GPC5: variants seen among roughly 807,000 people sequenced by gnomAD.
GPC5 encodes the protein glypican-5.
In GPC5, 47 loss-of-function variants were observed where a neutral mutation model predicts 53.9. That is an observed-to-expected ratio of 0.87 (90% CI 0.69 to 1.11). The LOEUF is 1.11. Ranked by LOEUF, GPC5 falls within the 50% of genes most tolerant of loss-of-function variation. The pLI, the probability that GPC5 is intolerant of heterozygous loss-of-function variation, is 0.00. For missense variants in GPC5, 748 were observed against 713.1 expected, an observed-to-expected ratio of 1.05 and a Z score of -0.56; for synonymous variants, 286 against 263.3, an observed-to-expected ratio of 1.09 and a Z score of -0.84.
At chr13:92,541,038 T>C (rs1478400088) in intron 7 of GPC5, among the ~76,000 whole-genome samples, 1 of 151,804 alleles carries the variant, frequency 6.6e-6, no homozygotes, top group Non-Finnish European at 1.5e-5. Flanking sequence ...TTCAAGTAAA[T>C]AAGGACATAT....
chr13:92,074,601 A>C (rs916682376), intron 6 of GPC5, among the ~76,000 whole-genome samples: 16 of 152,198 alleles, frequency 1.1e-4, no homozygotes, highest in African/African-American at 3.6e-4. Flanking sequence ...AGAAGTATGT[A>C]ATTCATTGGT....
chr13:91,503,920 C>T (rs947651839), intron 2 of GPC5, among the ~76,000 whole-genome samples: 3 of 151,110 alleles, frequency 2.0e-5, no homozygotes, highest in African/African-American at 4.9e-5. Context: ...ACTAATTCTT[C>T]AGTAATATTG....
chr13:92,329,808 G>A (rs920630622), intron 7 of GPC5, among the ~76,000 whole-genome samples: 10 of 152,060 alleles, frequency 6.6e-5, no homozygotes, highest in Non-Finnish European at 1.2e-4. Context: ...GGACAGCCAC[G>A]GTTTTCTGGC....
chr13:92,002,979 C>T (rs1303474001), intron 6 of GPC5, among the ~76,000 whole-genome samples: 5 of 151,970 alleles, frequency 3.3e-5, no homozygotes, highest in Non-Finnish European at 7.4e-5. Flanking sequence ...GTAGGAAACC[C>T]TGAGGTACTT....
chr13:92,079,427 A>G (rs1480438792), intron 6 of GPC5, among the ~76,000 whole-genome samples: 1 of 152,188 alleles, frequency 6.6e-6, no homozygotes, highest in Non-Finnish European at 1.5e-5. Context: ...TACTTCCATC[A>G]TGTCACTTAA....
chr13:92,713,167 G>A (rs1888199076), intron 7 of GPC5, among the ~76,000 whole-genome samples: 1 of 152,110 alleles, frequency 6.6e-6, no homozygotes, highest in African/African-American at 2.4e-5. Flanking sequence ...GTTATCCACA[G>A]ACCAAGGAGT....
intron 7 of GPC5, among the ~76,000 whole-genome samples, chr13:92,564,239 G>A (rs1354630899): frequency 1.3e-5 from 2 of 151,860 alleles, no homozygotes; most frequent in Non-Finnish European, 2.9e-5. Context: ...AGGTAAATGG[G>A]ACCCAAAGCA....
intron 7 of GPC5, among the ~76,000 whole-genome samples, chr13:92,742,558 T>G (rs1479564441): frequency 1.3e-5 from 2 of 148,670 alleles, no homozygotes; most frequent in Non-Finnish European, 3.0e-5. Flanking sequence ...GGTAGTTTCT[T>G]TTGCTGTGCA....
intron 7 of GPC5, among the ~76,000 whole-genome samples, chr13:92,560,897 G>GTGTGTGTGTA (rs1594305468): frequency 2.0e-5 from 3 of 149,572 alleles, no homozygotes; most frequent in Admixed American, 6.7e-5. Flanking sequence ...GTGTGTGTGT[G>GTGTGTGTGTA]TATACATATA....
chr13:91,939,227 A>AT (rs2039901759), intron 6 of GPC5, among the ~76,000 whole-genome samples: 1 of 152,238 alleles, frequency 6.6e-6, no homozygotes, highest in Admixed American at 6.5e-5. Context: ...TTGATATGGG[A>AT]TTTTATCTAC....
intron 2 of GPC5, among the ~76,000 whole-genome samples, chr13:91,641,444 A>T (rs1021308805): frequency 4.6e-5 from 7 of 151,698 alleles, no homozygotes; most frequent in African/African-American, 1.7e-4. Context: ...GGAACAACAC[A>T]CACTGGGGCC....
intron 6 of GPC5, among the ~76,000 whole-genome samples, chr13:92,052,475 T>G (rs781723967): frequency 1.3e-5 from 2 of 152,184 alleles, no homozygotes; most frequent in Non-Finnish European, 2.9e-5. Context: ...CCAGCTTTTA[T>G]TTCCTTATTT....
intron 5 of GPC5, among the ~76,000 whole-genome samples, chr13:91,790,405 A>G (rs1053174025): frequency 6.6e-6 from 1 of 152,202 alleles, no homozygotes; most frequent in African/African-American, 2.4e-5. Context: ...TCATGCATTT[A>G]CTACTCATTA....
At chr13:92,083,152 G>A (rs1437841139) in intron 6 of GPC5, among the ~76,000 whole-genome samples, 1 of 152,168 alleles carries the variant, frequency 6.6e-6, no homozygotes. Context: ...TGGGGGACAA[G>A]AATTATTAAT....
Position 92,101,463 on chromosome 13 carries a change from A to G in GPC5, c.1402-43367A>G, listed in dbSNP as rs530086237. ...CAGTTACCACGGACTGGCCATGTCC[A>G]CAGTGGATTCCCAATGTGTTTTTAT... On this transcript the variant is annotated intron_variant, in intron 6 of 7. Coordinates refer to ENST00000377067, the MANE Select transcript of GPC5 (RefSeq NM_004466.6). Among the ~76,000 whole-genome samples, 4 of 152,314 alleles carry G rather than the reference A, an allele frequency of 2.6e-5. No homozygotes were observed. In the South Asian group the frequency reaches 6.2e-4, roughly 24 times the overall value.
chr13:91,536,423 T>C (rs1458194858), intron 2 of GPC5, among the ~76,000 whole-genome samples: 1 of 152,126 alleles, frequency 6.6e-6, no homozygotes, highest in African/African-American at 2.4e-5. Flanking sequence ...GCAGAACAGA[T>C]CTAGTCTCTT....
chr13:91,576,309 A>C (rs1278669079), intron 2 of GPC5, among the ~76,000 whole-genome samples: 1 of 59,960 alleles, frequency 1.7e-5, no homozygotes, highest in African/African-American at 5.4e-5. Context: ...TAATTTAGCC[A>C]ATACACAATG....
intron 2 of GPC5, among the ~76,000 whole-genome samples, chr13:91,454,380 A>G (rs1267259541): frequency 6.6e-6 from 1 of 152,032 alleles, no homozygotes; most frequent in Admixed American, 6.6e-5. Context: ...AGTTGTTTTA[A>G]TTCTGACAGA....
intron 5 of GPC5, among the ~76,000 whole-genome samples, chr13:91,763,402 T>A (rs1383032077): frequency 1.3e-5 from 2 of 152,174 alleles, no homozygotes; most frequent in Admixed American, 6.5e-5. Flanking sequence ...TGGGTGGGAT[T>A]GTTCCTATCA....
Sources: gnomAD v4.1 joint callset for allele counts (sites outside exome capture counted in the v4.1 genomes callset) on GRCh38, gnomAD v4.1.1 for gene constraint, MANE v1.5 for transcripts, NCBI Gene and HGNC (gene_info 2026-07-23, HGNC 2026-07-21) for gene names.